The following TNFRSF1B variants were observed in gnomAD, a reference collection of about 807,000 sequenced individuals.
The protein encoded by TNFRSF1B is TNF receptor superfamily member 1B.
TNFRSF1B carries 19 observed loss-of-function variants against 44.6 expected under a neutral mutation model. The ratio of observed to expected loss-of-function variants is 0.43; its 90% CI spans 0.30 to 0.62. TNFRSF1B has a LOEUF of 0.62. TNFRSF1B is among the 20% of genes least tolerant of loss of function. The pLI is 0.16. For missense variants in TNFRSF1B, 541 were observed against 619.9 expected, an observed-to-expected ratio of 0.87 and a Z score of 1.35; for synonymous variants, 252 against 261.1, an observed-to-expected ratio of 0.97 and a Z score of 0.34.
intron 9 of TNFRSF1B, 65 bp downstream of exon 9, chr1:12,202,236 T>A: frequency 6.6e-7 from 1 of 1,521,696 alleles, no homozygotes; most frequent in Non-Finnish European, 8.8e-7. Flanking sequence ...CTGGTTTCTG[T>A]CTTAGCCATC....
intron 9 of TNFRSF1B, 148 bp downstream of exon 9, chr1:12,202,319 A>G: frequency 3.1e-6 from 4 of 1,308,320 alleles, no homozygotes; most frequent in Admixed American, 2.7e-5. Context: ...GCTGAACCTA[A>G]GTTCCCTCCC....
intron 1 of TNFRSF1B, among the ~76,000 whole-genome samples, chr1:12,181,293 C>T (rs1041538149): frequency 2.0e-5 from 3 of 152,184 alleles, no homozygotes; most frequent in Non-Finnish European, 4.4e-5. Flanking sequence ...AGGAAGAGCC[C>T]AGTTCCCATG....
At chr1:12,196,261 A>G (rs1490409162) in intron 8 of TNFRSF1B, among the ~76,000 whole-genome samples, 1 of 152,180 alleles carries the variant, frequency 6.6e-6, no homozygotes, top group Admixed American at 6.5e-5. Flanking sequence ...AGATCACACC[A>G]CTGCTCTCCA....
Position 12,194,680 on chromosome 1 carries a change from G to C in TNFRSF1B, c.900+62G>C. On this transcript the variant is annotated intron_variant, in intron 8 of 9. Transcript: ENST00000376259. ...GGTCTCCTTCCCGGCGTGCTGGGCTGTCACAGAGGAAGCAGTGAATTCTGT... is the reference window on the plus strand; with the variant it reads ...GGTCTCCTTCCCGGCGTGCTGGGCTCTCACAGAGGAAGCAGTGAATTCTGT... The C allele has an allele frequency of 1.9e-6, 3 of 1,589,360 alleles. No individual in the cohort carries two copies. In the Admixed American group the frequency reaches 5.0e-5, roughly 27 times the overall value.
At chr1:12,201,382 A>G (rs1469118395) in intron 8 of TNFRSF1B, among the ~76,000 whole-genome samples, 1 of 151,754 alleles carries the variant, frequency 6.6e-6, no homozygotes, top group Admixed American at 6.6e-5. Flanking sequence ...ACTATGTAAT[A>G]GGCATTGTTT....
chr1:12,173,422 G>A (rs2101077701), intron 1 of TNFRSF1B, among the ~76,000 whole-genome samples: 2 of 152,280 alleles, frequency 1.3e-5, no homozygotes, highest in Admixed American at 1.3e-4. Context: ...TCAGGCTCCA[G>A]GGCCATCAAG....
At chr1:12,167,266 G>T (rs1570114582) in intron 1 of TNFRSF1B, 97 bp downstream of exon 1, 1 of 939,800 alleles carries the variant, frequency 1.1e-6, no homozygotes, top group Non-Finnish European at 1.4e-6. Context: ...CTCCCGGGGC[G>T]CTGTCACGGG....
chr1:12,184,590 C>T (rs534145735), intron 1 of TNFRSF1B, among the ~76,000 whole-genome samples: 1 of 152,334 alleles, frequency 6.6e-6, no homozygotes, highest in East Asian at 1.9e-4. Flanking sequence ...GGCCACCACT[C>T]AGCCGGCCTG....
rs1290923186 is a variant in TNFRSF1B, at chr1:12,205,040, C to A, written c.1106-1700C>A. Reference sequence around the variant, plus strand: ...AAAAAATAAAAAAAAAAGTCCCTACCCTCCTGGGTTCAGAGTCTGGTTGGG... The same window carrying A: ...AAAAAATAAAAAAAAAAGTCCCTACACTCCTGGGTTCAGAGTCTGGTTGGG... On this transcript the variant is annotated intron_variant, in intron 9 of 9. Coordinates refer to ENST00000376259, the MANE Select transcript of TNFRSF1B (RefSeq NM_001066.3). Among the ~76,000 whole-genome samples the A allele has an allele frequency of 3.9e-5, 6 of 152,172 alleles. No individual in the cohort carries two copies. In the South Asian group the frequency reaches 8.3e-4, roughly 21 times the overall value.
intron 1 of TNFRSF1B, among the ~76,000 whole-genome samples, chr1:12,175,083 A>T (rs539723058): frequency 6.6e-6 from 1 of 152,082 alleles, no homozygotes; most frequent in East Asian, 1.9e-4. Flanking sequence ...GCGGGAGGGG[A>T]TTTGGAGGCA....
intron 1 of TNFRSF1B, among the ~76,000 whole-genome samples, chr1:12,176,851 G>C (rs965117505): frequency 1.3e-5 from 2 of 152,184 alleles, no homozygotes; most frequent in Non-Finnish European, 2.9e-5. Context: ...AGGCTTGAGG[G>C]AGGAGGAGGA....
intron 1 of TNFRSF1B, among the ~76,000 whole-genome samples, chr1:12,181,122 C>T (rs1302051200): frequency 6.6e-6 from 1 of 152,166 alleles, no homozygotes; most frequent in Non-Finnish European, 1.5e-5. Flanking sequence ...CTGCCAGCCC[C>T]AGGAGTCACA....
At chr1:12,189,227 CT>C (rs1349067444) in intron 2 of TNFRSF1B, among the ~76,000 whole-genome samples, 1 of 152,170 alleles carries the variant, frequency 6.6e-6, no homozygotes, top group African/African-American at 2.4e-5. Context: ...TCAGGGAGGG[CT>C]GCCTGGAGGA....
At position 12,180,309 on chromosome 1, in the gene TNFRSF1B, AGAAGGCTGTGCTAAT is replaced by A. The variant is rs1165751072; in HGVS notation, c.79-8485_79-8471del. ...ATAATAAAGCCATGAAGATCCCCAA[AGAAGGCTGTGCTAAT>A]GGCGGCCGGAAGAGCAGAGGGCACC... is the stretch of plus-strand genomic sequence containing the variant. On this transcript the variant is annotated intron_variant, in intron 1 of 9. Transcript: ENST00000376259. This position sits in a 1 kb window ranked among gnomAD's most constrained non-coding sequence, Gnocchi z 4.3. 6.6e-6 allele frequency among the ~76,000 whole-genome samples: 1 copy of A among 152,214 alleles called. No individual in the cohort carries two copies. Among genetic ancestry groups the A allele is most frequent in the African/African-American group, 2.4e-5 (1 of 41,446 alleles).
intron 6 of TNFRSF1B, among the ~76,000 whole-genome samples, chr1:12,193,679 TA>T (rs1639201911): frequency 6.6e-6 from 1 of 152,194 alleles, no homozygotes; most frequent in South Asian, 2.1e-4. Flanking sequence ...ATGAGCCCAT[TA>T]GGCTAAGAAG....
intron 1 of TNFRSF1B, among the ~76,000 whole-genome samples, chr1:12,188,387 A>T (rs1253130492): frequency 6.6e-6 from 1 of 152,130 alleles, no homozygotes; most frequent in East Asian, 1.9e-4. Context: ...TCATCTTGAA[A>T]GACAAAGGGA....
intron 9 of TNFRSF1B, among the ~76,000 whole-genome samples, chr1:12,204,828 C>T (rs375791651): frequency 5.7e-4 from 86 of 151,728 alleles, no homozygotes; most frequent in African/African-American, 2.0e-3. Flanking sequence ...CAAAAAAACC[C>T]GTAGACTTGT....
chr1:12,192,759 C>A, intron 5 of TNFRSF1B, 104 bp from the exon 6 acceptor site: 1 of 1,042,000 alleles, frequency 9.6e-7, no homozygotes, highest in Non-Finnish European at 1.4e-6. Context: ...AGAGGGCACA[C>A]ATCGTCACTC....
intron 1 of TNFRSF1B, among the ~76,000 whole-genome samples, chr1:12,170,741 C>T (rs1022504893): frequency 6.6e-6 from 1 of 152,156 alleles, no homozygotes; most frequent in Non-Finnish European, 1.5e-5. Context: ...CTGCTCACTG[C>T]AGTCTCCATC....
Sources: allele counts gnomAD v4.1 joint callset (sites outside exome capture counted in the v4.1 genomes callset), GRCh38; gene constraint gnomAD v4.1.1; non-coding constraint Gnocchi (gnomAD v3.1); transcripts MANE v1.5; gene names NCBI Gene and HGNC (gene_info 2026-07-23, HGNC 2026-07-21).